CNGB3: variants seen among roughly 807,000 people sequenced by gnomAD.
The protein encoded by CNGB3 is cyclic nucleotide gated channel subunit beta 3.
Under a neutral mutation model 92.8 loss-of-function variants are expected in CNGB3, and 86 were observed. The ratio of observed to expected loss-of-function variants is 0.93; its 90% CI spans 0.78 to 1.11. The LOEUF (loss-of-function observed/expected upper bound fraction) is 1.11. Ranked by LOEUF, CNGB3 falls within the 50% of genes least tolerant of loss-of-function variation. CNGB3 has a pLI of 0.00. For missense variants in CNGB3, 1,026 were observed against 956.8 expected (o/e 1.07, Z -0.95); for synonymous variants, 333 against 332.7 (o/e 1.00, Z -0.01).
intron 10 of CNGB3, among the ~76,000 whole-genome samples, chr8:86,636,162 C>CA (rs1446039746): frequency 2.0e-5 from 3 of 151,986 alleles, no homozygotes; most frequent in East Asian, 3.9e-4. Flanking sequence ...GGATGTATTT[C>CA]AAAATAATTT....
intron 3 of CNGB3, among the ~76,000 whole-genome samples, chr8:86,688,037 G>A (rs1824222677): frequency 6.6e-6 from 1 of 151,796 alleles, no homozygotes; most frequent in Non-Finnish European, 1.5e-5. Flanking sequence ...AAACAAACAG[G>A]GCTTCAGATT....
At chr8:86,587,463 G>A (rs573864344) in intron 15 of CNGB3, among the ~76,000 whole-genome samples, 2 of 152,248 alleles carry the variant, frequency 1.3e-5, no homozygotes, top group African/African-American at 4.8e-5. Flanking sequence ...GGGTTTTGAT[G>A]GTTTTAGGTC....
chr8:86,689,929 A>G (rs1824274206), intron 3 of CNGB3, among the ~76,000 whole-genome samples: 2 of 152,176 alleles, frequency 1.3e-5, no homozygotes, highest in Non-Finnish European at 2.9e-5. Context: ...TCCATGGTGT[A>G]TATGTGCCAC....
chr8:86,635,512 A>T (rs7001940), intron 10 of CNGB3, among the ~76,000 whole-genome samples: 12,907 of 151,846 alleles, frequency 0.085, 588 homozygotes, highest in African/African-American at 0.12. Context: ...TGGCTTGAAC[A>T]ATTTTTTTTA....
intron 15 of CNGB3, chr8:86,594,677 C>A: frequency 5.4e-6 from 1 of 184,432 alleles, no homozygotes; most frequent in South Asian, 1.0e-4. Context: ...CCCGCTTGCC[C>A]CTGGCTTTAG....
At position 86,687,018 on chromosome 8, in the gene CNGB3, C is replaced by A. The variant is rs146395070; in HGVS notation, c.339-15920G>T. Among the ~76,000 whole-genome samples, 35 of 152,144 alleles carry A rather than the reference C, an allele frequency of 2.3e-4. No individual in the cohort carries two copies. In the East Asian group the frequency reaches 6.4e-3, roughly 28 times the overall value. The stretch of plus-strand genomic sequence containing the variant: ...AGCTTTATTAGCTTCATAGTAAAGT[C>A]ATCTCTGAAGATGTTAAAGATTGTT... On this transcript the variant is annotated intron_variant, in intron 3 of 17. Coordinates refer to ENST00000320005, the MANE Select transcript of CNGB3 (RefSeq NM_019098.5).
intron 8 of CNGB3, among the ~76,000 whole-genome samples, 193 bp from the exon 9 acceptor site, chr8:86,644,879 C>T (rs1585989363): frequency 6.6e-6 from 1 of 150,906 alleles, no homozygotes; most frequent in East Asian, 1.9e-4. Context: ...ACTTCCAGAG[C>T]TTTATTTTGC....
intron 3 of CNGB3, among the ~76,000 whole-genome samples, chr8:86,712,529 C>G (rs931863854): frequency 6.6e-6 from 1 of 152,064 alleles, no homozygotes; most frequent in African/African-American, 2.4e-5. Context: ...TACTCCAGCA[C>G]TACTTACTTA....
intron 7 of CNGB3, among the ~76,000 whole-genome samples, chr8:86,653,646 G>A (rs940740328): frequency 5.9e-5 from 9 of 152,056 alleles, no homozygotes; most frequent in Non-Finnish European, 2.9e-5. Context: ...ATGAGAACAA[G>A]AAAGAAGCGG....
At chr8:86,695,752 C>T (rs373897098) in intron 3 of CNGB3, among the ~76,000 whole-genome samples, 20 of 152,166 alleles carry the variant, frequency 1.3e-4, no homozygotes, top group African/African-American at 4.1e-4. Flanking sequence ...AATAGTATTA[C>T]TAGAATTACT....
intron 15 of CNGB3, among the ~76,000 whole-genome samples, chr8:86,596,994 G>C (rs1822185473): frequency 6.6e-6 from 1 of 151,894 alleles, no homozygotes; most frequent in African/African-American, 2.4e-5. Flanking sequence ...CATGGAGACA[G>C]GGAGGGGAAC....
intron 15 of CNGB3, among the ~76,000 whole-genome samples, chr8:86,580,140 TTAA>T (rs1221803486): frequency 7.1e-6 from 1 of 140,160 alleles, no homozygotes; most frequent in East Asian, 2.2e-4. Context: ...GTGCCACACT[TTAA>T]AACCATCAGC....
chr8:86,610,294 C>T (rs1022411727), intron 14 of CNGB3, among the ~76,000 whole-genome samples: 5 of 152,082 alleles, frequency 3.3e-5, no homozygotes, highest in African/African-American at 4.8e-5. Context: ...GTTTCTGGCT[C>T]ATCATATTGA....
chr8:86,712,118 A>G (rs1046236299), intron 3 of CNGB3, among the ~76,000 whole-genome samples: 1 of 152,050 alleles, frequency 6.6e-6, no homozygotes, highest in Non-Finnish European at 1.5e-5. Flanking sequence ...TAATTAAATC[A>G]TTAACAATTT....
intron 15 of CNGB3, among the ~76,000 whole-genome samples, chr8:86,598,154 T>A (rs1394813383): frequency 6.6e-6 from 1 of 152,114 alleles, no homozygotes; most frequent in Non-Finnish European, 1.5e-5. Flanking sequence ...AAACATTAAA[T>A]GGTTTTAAGT....
intron 10 of CNGB3, among the ~76,000 whole-genome samples, chr8:86,641,713 T>C (rs187361494): frequency 4.9e-4 from 75 of 152,086 alleles, no homozygotes; most frequent in African/African-American, 1.6e-3. Context: ...TCATTTTCTA[T>C]TGTACTCCAG....
intron 1 of CNGB3, among the ~76,000 whole-genome samples, chr8:86,740,232 A>G (rs1825317941): frequency 6.6e-6 from 1 of 152,164 alleles, no homozygotes; most frequent in Non-Finnish European, 1.5e-5. Context: ...GCAGAGTGAA[A>G]CAAGATATGA....
chr8:86,663,275 A>C (rs1823680043), intron 6 of CNGB3, among the ~76,000 whole-genome samples: 1 of 152,244 alleles, frequency 6.6e-6, no homozygotes, highest in South Asian at 2.1e-4. Flanking sequence ...AGGGCTGTGC[A>C]TGTGAGTGTC....
intron 13 of CNGB3, among the ~76,000 whole-genome samples, chr8:86,617,631 T>G (rs1395119438): frequency 6.6e-6 from 1 of 152,180 alleles, no homozygotes; most frequent in African/African-American, 2.4e-5. Flanking sequence ...CTAAGTAATA[T>G]TAGACCTAAA....
Sources: allele counts gnomAD v4.1 joint callset (sites outside exome capture counted in the v4.1 genomes callset), GRCh38; gene constraint gnomAD v4.1.1; transcripts MANE v1.5; gene names NCBI Gene and HGNC (gene_info 2026-07-23, HGNC 2026-07-21).